Variants in SNX19 observed in about 807,000 individuals in gnomAD.
SNX19 encodes the protein sorting nexin-19.
In SNX19, 60 loss-of-function variants were observed where a neutral mutation model predicts 85.2. That is an observed-to-expected ratio of 0.70 (90% CI 0.57 to 0.87). SNX19 has a LOEUF of 0.87. SNX19 is among the 40% of genes least tolerant of loss of function. The pLI is 0.00. For missense variants in SNX19, 1,201 were observed against 1,217.8 expected, an observed-to-expected ratio of 0.99 and a Z score of 0.21; for synonymous variants, 520 against 470.0, an observed-to-expected ratio of 1.11 and a Z score of -1.38.
Position 130,910,071 on chromosome 11 carries a change from C to G in SNX19, c.1981G>C (p.Asp661His). The change falls in exon 4 of 11, where the codon GAT becomes CAT. Residue 661 changes from aspartate to histidine, a missense_variant. Coordinates refer to ENST00000265909, the MANE Select transcript of SNX19 (RefSeq NM_014758.3). ...EVQEFLALNT[D>H]ARIAFVKKPF... ...TTCTTGACAAAGGCAATACGAGCAT[C>G]TGTGTTCAGAGCAAGGAACTCCTGC... 1 of 1,614,166 alleles carries G rather than the reference C, an allele frequency of 6.2e-7. No individual in the cohort carries two copies. Among genetic ancestry groups the G allele is most frequent in the African/African-American group, 1.3e-5 (1 of 75,058 alleles).
Position 130,875,582 on chromosome 11 carries a change from G to T in SNX19, c.*2840C>A, listed in dbSNP as rs1481843294. 6.6e-6 allele frequency: 1 copy of T among 151,930 alleles called. No homozygotes were observed. The highest frequency in any genetic ancestry group is 2.4e-5 in the African/African-American group (1 of 41,342). 9.4% of individuals were successfully genotyped at this position (151,930 alleles called of 1,614,324 possible). On this transcript the variant is annotated 3_prime_UTR_variant, in exon 11 of 11. Coordinates refer to ENST00000265909, the MANE Select transcript of SNX19 (RefSeq NM_014758.3). Reference sequence around the variant, plus strand: ...CTGGAAATTTCCAAAATGGAAATTGGAGTAGCTTGTATTGATTTTAAAATT... The same window carrying T: ...CTGGAAATTTCCAAAATGGAAATTGTAGTAGCTTGTATTGATTTTAAAATT...
Position 130,911,564 on chromosome 11 carries a change from C to G in SNX19, c.1813+69G>C, listed in dbSNP as rs972043038. On this transcript the variant is annotated intron_variant, in intron 2 of 10. Coordinates refer to ENST00000265909, the MANE Select transcript of SNX19 (RefSeq NM_014758.3). Reference sequence around the variant, plus strand: ...TCTCCTCCCCGATCCCTCCCATAAACCAACAGGCCAATCAGCGTGGCTCGA... The same window carrying G: ...TCTCCTCCCCGATCCCTCCCATAAAGCAACAGGCCAATCAGCGTGGCTCGA... 6 of 1,601,436 alleles carry G rather than the reference C, an allele frequency of 3.7e-6. No individual in the cohort carries two copies. The African/African-American group carries it at 6.7e-5, about 18-fold the overall frequency.
At chr11:130,913,118 C>T (rs895251564) in intron 1 of SNX19, among the ~76,000 whole-genome samples, 45 of 151,974 alleles carry the variant, frequency 3.0e-4, no homozygotes, top group African/African-American at 9.9e-4. Context: ...ACATTCTATC[C>T]ATCAACTTAA....
chr11:130,907,888 G>C (rs961229290), intron 5 of SNX19, 65 bp downstream of exon 5: 2 of 1,597,260 alleles, frequency 1.3e-6, no homozygotes, highest in African/African-American at 2.7e-5. Context: ...GGTGAGTGTT[G>C]GCTGAGGATT....
In SNX19 at chr11:130,914,838, A is replaced by C. The variant is rs1565557487; in HGVS notation, c.1102T>G (p.Cys368Gly). 6.2e-7 allele frequency: 1 copy of C among 1,614,224 alleles called. No homozygotes were observed. The highest frequency in any genetic ancestry group is 8.5e-7 in the Non-Finnish European group (1 of 1,180,032). Residue 368 changes from cysteine to glycine, a missense_variant, in exon 1 of 11, where the codon TGT becomes GGT. Cys to Gly is a radical substitution (Grantham distance 159, BLOSUM62 -3). Transcript: ENST00000265909. Reference sequence around the variant, plus strand: ...GGAGACTCCAGCTCTGAGTCTTCACATAAGAACAGGGGACCTCGAACATTT... The same window carrying C: ...GGAGACTCCAGCTCTGAGTCTTCACCTAAGAACAGGGGACCTCGAACATTT... Reference protein sequence around the residue: ...QPNVRGPLFLCEDSELESPLS... With the variant: ...QPNVRGPLFLGEDSELESPLS...
At chr11:130,889,396 C>T (rs745886699) in intron 8 of SNX19, among the ~76,000 whole-genome samples, 1 of 152,030 alleles carries the variant, frequency 6.6e-6, no homozygotes, top group Non-Finnish European at 1.5e-5. Flanking sequence ...CCCCGACCCC[C>T]CAGAAAAAGA....
chr11:130,903,337 G>C lies in SNX19; in HGVS notation c.2491C>G (p.Leu831Val). 1.2e-6 allele frequency: 2 copies of C among 1,613,482 alleles called. No homozygotes were observed. The highest frequency in any genetic ancestry group is 4.5e-5 in the East Asian group (2 of 44,866). The change falls in exon 8 of 11, where the codon CTA becomes GTA. Residue 831 changes from leucine (L) to valine (V), a missense_variant. Coordinates refer to ENST00000265909, the MANE Select transcript of SNX19 (RefSeq NM_014758.3). The part of the protein sequence containing the change: ...ADTALDLLLL[L>V]LTEQWKWLCT... ...AGCCATTTCCACTGTTCTGTTAGTA[G>C]CAAGAGGAGCAGATCCAGGGCTGTG...
In SNX19 at chr11:130,906,677, C is replaced by G. The variant is rs773979279; in HGVS notation, c.2210G>C (p.Ser737Thr). The G allele has an allele frequency of 6.2e-7, 1 of 1,613,340 alleles. No individual in the cohort carries two copies. Among genetic ancestry groups the G allele is most frequent in the Non-Finnish European group, 8.5e-7 (1 of 1,179,446 alleles). ...FSSSKISPAL[S>T]VTEAQDKILY... ...AATCTTGTCTTGTGCTTCAGTCACA[C>G]TTAGTGCTGGAGAAATTTTACTGGA... The change falls in exon 6 of 11, where the codon AGT becomes ACT. Residue 737 changes from serine to threonine, a missense_variant. By Grantham distance (58) the Ser-to-Thr change is moderately conservative. Transcript: ENST00000265909.
intron 8 of SNX19, chr11:130,894,881 C>T (rs1944765573): frequency 1.0e-6 from 1 of 985,420 alleles, no homozygotes; most frequent in South Asian, 4.7e-5. Context: ...CTAACATTTA[C>T]CTCTAAATTA....
Position 130,872,664 on chromosome 11 carries a change from C to T in SNX19, c.*5758G>A, listed in dbSNP as rs1320266660. Among the ~76,000 whole-genome samples the T allele has an allele frequency of 2.0e-5, 3 of 152,096 alleles. No individual in the cohort carries two copies. Among genetic ancestry groups the T allele is most frequent in the Middle Eastern group, 3.2e-3 (1 of 316 alleles). ...TTCTTGTCTACAAAGGCAGGGTGAG[C>T]GACTGCTGCCCTGTGATTTCTGGCA... On this transcript the variant is annotated 3_prime_UTR_variant, in exon 11 of 11. Coordinates refer to ENST00000265909, the MANE Select transcript of SNX19 (RefSeq NM_014758.3).
At chr11:130,898,335 T>C (rs965477114) in intron 8 of SNX19, among the ~76,000 whole-genome samples, 1 of 152,034 alleles carries the variant, frequency 6.6e-6, no homozygotes, top group African/African-American at 2.4e-5. Flanking sequence ...ATGAGGACAT[T>C]TTAAGGAGGA....
chr11:130,880,754 A>ACTGCACTC lies in SNX19; in HGVS notation c.2625_2626insGAGTGCAG (p.Tyr876GlufsTer25). The ACTGCACTC allele has an allele frequency of 6.2e-7, 1 of 1,608,152 alleles. No homozygotes were observed. The highest frequency in any genetic ancestry group is 8.5e-7 in the Non-Finnish European group (1 of 1,175,478). ...ATGGACTCCTGAAGAAGCAGGAGGTACTGCACCCAGCGCTGTGGACTTGTT... is the reference window on the plus strand; with the variant it reads ...ATGGACTCCTGAAGAAGCAGGAGGTACTGCACTCCTGCACCCAGCGCTGTGGACTTGTT... On this transcript the variant is annotated frameshift_variant, in exon 9 of 11. Transcript: ENST00000265909. LOFTEE classifies it high-confidence loss of function.
In SNX19 at chr11:130,916,206, A is replaced by G. The variant is rs1946574177; in HGVS notation, c.-267T>C. ...TGGAGGAAAACTCTGTGGCCTTCACACTGCCCCAGGCGGAAGGCCTCTTCG... is the reference window on the plus strand; with the variant it reads ...TGGAGGAAAACTCTGTGGCCTTCACGCTGCCCCAGGCGGAAGGCCTCTTCG... On this transcript the variant is annotated 5_prime_UTR_variant, in exon 1 of 11. Transcript: ENST00000265909. 2.1e-6 allele frequency: 1 copy of G among 486,498 alleles called. No homozygotes were observed. The highest frequency in any genetic ancestry group is 1.9e-5 in the African/African-American group (1 of 51,782). The allele number at this position is 486,498 out of a possible 1,614,324, so 30.1% of individuals were successfully genotyped here. A position where few individuals can be genotyped will look rare whatever the true frequency, so the allele number is the denominator to read the frequency against.
chr11:130,905,253 TA>T (rs1277841847), intron 7 of SNX19, among the ~76,000 whole-genome samples: 1 of 152,146 alleles, frequency 6.6e-6, no homozygotes, highest in Non-Finnish European at 1.5e-5. Flanking sequence ...AAGGAGAAAG[TA>T]AAGCTTTCAC....
At chr11:130,904,590 A>G (rs567620066) in intron 7 of SNX19, among the ~76,000 whole-genome samples, 1 of 152,258 alleles carries the variant, frequency 6.6e-6, no homozygotes, top group East Asian at 1.9e-4. Context: ...CAGGTTTAGC[A>G]TTTGCTTGGA....
At position 130,887,844 on chromosome 11, in the gene SNX19, C is replaced by T. The variant is rs575510526; in HGVS notation, c.2574-7038G>A. Among the ~76,000 whole-genome samples the T allele has an allele frequency of 2.0e-5, 3 of 152,272 alleles. No individual in the cohort carries two copies. In the South Asian group the frequency reaches 6.2e-4, roughly 32 times the overall value. On this transcript the variant is annotated intron_variant, in intron 8 of 10. Coordinates refer to ENST00000265909, the MANE Select transcript of SNX19 (RefSeq NM_014758.3). ...CTGATGAAAGAAGGAGAGAAATGAA[C>T]CACTCCTCAACCTGGCTCCATCCTC...
rs907661850 is a variant in SNX19, at chr11:130,874,692, C to T, written c.*3730G>A. ...CACATATTTTTACTTCCTCCAGGAC[C>T]TAACAACTGGTGTTGTGTGCTATGA... On this transcript the variant is annotated 3_prime_UTR_variant, in exon 11 of 11. Transcript: ENST00000265909. 2.6e-5 allele frequency among the ~76,000 whole-genome samples: 4 copies of T among 152,168 alleles called. No homozygotes were observed. The highest frequency in any genetic ancestry group is 5.9e-5 in the Non-Finnish European group (4 of 68,038).
In SNX19 at chr11:130,915,038, GGAA is replaced by G. The variant is rs1243390294; in HGVS notation, c.899_901del (p.Leu300del). On this transcript the variant is annotated inframe_deletion, in exon 1 of 11. Coordinates refer to ENST00000265909, the MANE Select transcript of SNX19 (RefSeq NM_014758.3). ...TGCTACTGGAGAAGCTCTCCCTTCT[GGAA>G]GCTGCTCTACCTCAGCAATCAGTGG... 1 of 1,614,086 alleles carries G rather than the reference GGAA, an allele frequency of 6.2e-7. No individual in the cohort carries two copies. The highest frequency in any genetic ancestry group is 1.7e-5 in the Admixed American group (1 of 60,018).
chr11:130,887,925 T>G (rs574802725), intron 8 of SNX19, among the ~76,000 whole-genome samples: 1 of 152,286 alleles, frequency 6.6e-6, no homozygotes, highest in Admixed American at 6.5e-5. Context: ...CAAACAGCTC[T>G]GAGATGTGAC....
Sources: gnomAD v4.1 joint callset for allele counts (sites outside exome capture counted in the v4.1 genomes callset) on GRCh38, gnomAD v4.1.1 for gene constraint, MANE v1.5 for transcripts, NCBI Gene and HGNC (gene_info 2026-07-23, HGNC 2026-07-21) for gene names.